Variants in ERI3 observed in about 807,000 individuals in gnomAD.
ERI3 encodes ERI1 exoribonuclease family member 3.
Under a neutral mutation model 44.4 loss-of-function variants are expected in ERI3, and 18 were observed. The observed-to-expected ratio is 0.41, with a 90% confidence interval of 0.28 to 0.60. The LOEUF (loss-of-function observed/expected upper bound fraction) is 0.60, where lower values mean the gene tolerates loss of function less well. Ranked by LOEUF, ERI3 falls within the 20% of genes least tolerant of loss-of-function variation. The pLI, the probability that ERI3 is intolerant of heterozygous loss-of-function variation, is 0.36. For missense variants in ERI3, 294 were observed against 435.5 expected (o/e 0.68, Z 2.89); for synonymous variants, 183 against 164.8 (o/e 1.11, Z -0.84).
At chr1:44,348,557 CCAAGGCTCCT>C (rs1261842118) in intron 2 of ERI3, among the ~76,000 whole-genome samples, 1 of 152,176 alleles carries the variant, frequency 6.6e-6, no homozygotes, top group Non-Finnish European at 1.5e-5. Context: ...CCCTGGTAAC[CCAAGGCTCCT>C]CAAGGAATGT....
intron 4 of ERI3, among the ~76,000 whole-genome samples, 164 bp downstream of exon 4, chr1:44,319,464 T>C (rs1006460146): frequency 5.9e-5 from 9 of 152,262 alleles, no homozygotes; most frequent in Non-Finnish European, 4.4e-5. Context: ...AACAGTGACC[T>C]GAGTGGAGTG....
At chr1:44,338,315 C>A (rs556781862) in intron 3 of ERI3, among the ~76,000 whole-genome samples, 12 of 152,322 alleles carry the variant, frequency 7.9e-5, no homozygotes, top group African/African-American at 2.6e-4. Flanking sequence ...GGCTCAAAGT[C>A]CCTCCTAAGG....
chr1:44,259,725 A>ACACACACACACACAC (rs1194743858), intron 7 of ERI3, among the ~76,000 whole-genome samples: 2 of 56,420 alleles, frequency 3.5e-5, no homozygotes, highest in African/African-American at 9.3e-5. Context: ...CACACACACA[A>ACACACACACACACAC]ATTAGCCAGG....
chr1:44,240,401 G>T lies in ERI3; in HGVS notation c.931+7538C>A, dbSNP rs529533229. Among the ~76,000 whole-genome samples the T allele has an allele frequency of 2.6e-5, 4 of 152,314 alleles. No homozygotes were observed. In the East Asian group the frequency reaches 7.7e-4, roughly 29 times the overall value. ...TGAACTTCTCTGCCTACGGTACAAG[G>T]ATGGCTCTCTTAAATGGATCCAGGC... On this transcript the variant is annotated intron_variant, in intron 8 of 8. Coordinates refer to ENST00000372257, the MANE Select transcript of ERI3 (RefSeq NM_024066.3).
chr1:44,323,975 A>G (rs1646254846), intron 3 of ERI3, among the ~76,000 whole-genome samples: 2 of 152,198 alleles, frequency 1.3e-5, no homozygotes. Flanking sequence ...GCTGCTCTCA[A>G]ATTTTAAGAG....
chr1:44,290,686 G>C (rs1645488222), intron 6 of ERI3, among the ~76,000 whole-genome samples: 1 of 152,138 alleles, frequency 6.6e-6, no homozygotes, highest in East Asian at 1.9e-4. Context: ...TGTCTCTCCT[G>C]TTTCCATTCC....
At chr1:44,338,152 T>G (rs1448154874) in intron 3 of ERI3, among the ~76,000 whole-genome samples, 1 of 152,260 alleles carries the variant, frequency 6.6e-6, no homozygotes, top group African/African-American at 2.4e-5. Flanking sequence ...GAAATTGTCC[T>G]TTCCAACAGA....
chr1:44,314,715 T>C (rs898815016), intron 4 of ERI3, among the ~76,000 whole-genome samples: 1 of 151,918 alleles, frequency 6.6e-6, no homozygotes, highest in Non-Finnish European at 1.5e-5. Context: ...AATCTTGGAG[T>C]ACAAAGGACT....
chr1:44,297,389 T>A (rs948884663), intron 6 of ERI3, among the ~76,000 whole-genome samples: 2 of 151,984 alleles, frequency 1.3e-5, no homozygotes, highest in African/African-American at 4.8e-5. Flanking sequence ...GCTCCCTGAC[T>A]CATCATCTTC....
intron 6 of ERI3, among the ~76,000 whole-genome samples, chr1:44,295,194 G>GGAGGAAGAATGGGA (rs1233541186): frequency 1.3e-5 from 2 of 152,144 alleles, no homozygotes; most frequent in East Asian, 3.8e-4. Context: ...TGGGGGAAAA[G>GGAGGAAGAATGGGA]GAGGAAGAAT....
intron 1 of ERI3, chr1:44,354,183 A>G: frequency 2.0e-6 from 2 of 985,426 alleles, no homozygotes; most frequent in Non-Finnish European, 2.4e-6. Context: ...TCTTTTAGCC[A>G]ATAGGATTCA....
intron 8 of ERI3, among the ~76,000 whole-genome samples, chr1:44,229,247 C>G (rs1254856649): frequency 6.6e-6 from 1 of 152,144 alleles, no homozygotes; most frequent in African/African-American, 2.4e-5. Flanking sequence ...GCTGGTGGCT[C>G]CAGGCCCCAT....
chr1:44,340,264 C>A (rs1238225059), intron 2 of ERI3, among the ~76,000 whole-genome samples: 2 of 151,998 alleles, frequency 1.3e-5, no homozygotes, highest in African/African-American at 4.8e-5. Context: ...CTAAGTTTTA[C>A]TCACGAATAA....
At chr1:44,311,813 A>G (rs1645979286) in intron 5 of ERI3, among the ~76,000 whole-genome samples, 1 of 152,134 alleles carries the variant, frequency 6.6e-6, no homozygotes, top group Non-Finnish European at 1.5e-5. Flanking sequence ...GACAGAGGAA[A>G]GAATGAGTTC....
intron 8 of ERI3, among the ~76,000 whole-genome samples, chr1:44,242,921 T>TGGCGGCAGA (rs888718698): frequency 6.6e-6 from 1 of 152,222 alleles, no homozygotes; most frequent in Admixed American, 6.5e-5. Flanking sequence ...CCAGTGAGCG[T>TGGCGGCAGA]GGCGGCAGAG....
intron 7 of ERI3, among the ~76,000 whole-genome samples, chr1:44,265,973 T>C (rs1304931938): frequency 6.6e-6 from 1 of 152,210 alleles, no homozygotes. Flanking sequence ...CCTGTAAATA[T>C]ATTAAAAAAC....
Position 44,355,246 on chromosome 1 carries a change from A to C in ERI3, c.-220T>G. Reference sequence around the variant, plus strand: ...CGGCAGCCAGCACCACGAGTCCACAACACACCGACTCACCTCCGCGCACTC... The same window carrying C: ...CGGCAGCCAGCACCACGAGTCCACACCACACCGACTCACCTCCGCGCACTC... On this transcript the variant is annotated 5_prime_UTR_variant, in exon 1 of 9. Coordinates refer to ENST00000372257, the MANE Select transcript of ERI3 (RefSeq NM_024066.3). 1 of 1,165,044 alleles carries C rather than the reference A, an allele frequency of 8.6e-7. No individual in the cohort carries two copies. Among genetic ancestry groups the C allele is most frequent in the African/African-American group, 1.6e-5 (1 of 62,154 alleles). 72.2% of individuals were successfully genotyped at this position (1,165,044 alleles called of 1,614,324 possible).
At chr1:44,231,894 T>A (rs983838446) in intron 8 of ERI3, among the ~76,000 whole-genome samples, 1 of 152,178 alleles carries the variant, frequency 6.6e-6, no homozygotes, top group African/African-American at 2.4e-5. Flanking sequence ...GAGGGAAAAA[T>A]AGTCCTTTAT....
intron 8 of ERI3, chr1:44,242,128 T>C (rs1427517086): frequency 2.0e-6 from 2 of 985,572 alleles, no homozygotes; most frequent in Non-Finnish European, 2.4e-6. Context: ...TCCATCTCCC[T>C]AGCTTCTCAC....
Sources: gnomAD v4.1 joint callset for allele counts (sites outside exome capture counted in the v4.1 genomes callset) on GRCh38, gnomAD v4.1.1 for gene constraint, MANE v1.5 for transcripts, NCBI Gene and HGNC (gene_info 2026-07-23, HGNC 2026-07-21) for gene names.